The following SETBP1 variants were observed in gnomAD, a reference collection of about 807,000 sequenced individuals.
SETBP1 encodes the protein SET binding protein 1.
In SETBP1, 9 loss-of-function variants were observed where a neutral mutation model predicts 101.0. The observed-to-expected ratio is 0.09, with a 90% CI of 0.05 to 0.16. The LOEUF (loss-of-function observed/expected upper bound fraction) is 0.16. SETBP1 is among the 10% of genes least tolerant of loss of function. The pLI is 1.00. For missense variants in SETBP1, 1,858 were observed against 2,033.8 expected (o/e 0.91, Z 1.66); for synonymous variants, 818 against 788.5 (o/e 1.04, Z -0.63).
chr18:44,975,935 G>T (rs1188731524), intron 4 of SETBP1, among the ~76,000 whole-genome samples: 1 of 152,200 alleles, frequency 6.6e-6, no homozygotes, highest in South Asian at 2.1e-4. Context: ...GCCTGGACCA[G>T]AATACAGGTC....
intron 4 of SETBP1, among the ~76,000 whole-genome samples, chr18:44,958,985 G>T (rs930150805): frequency 2.0e-5 from 3 of 151,796 alleles, no homozygotes; most frequent in African/African-American, 7.3e-5. Context: ...TTGTAGCAAC[G>T]TAACAAAAAA....
intron 4 of SETBP1, among the ~76,000 whole-genome samples, chr18:45,031,201 A>G (rs1038823410): frequency 1.3e-5 from 2 of 152,032 alleles, no homozygotes; most frequent in Non-Finnish European, 2.9e-5. Flanking sequence ...CTTTCATTTG[A>G]ATGGGCTTTT....
chr18:44,764,465 GTTCTTCTTCTTTCTTC>G (rs1568131380), intron 2 of SETBP1, among the ~76,000 whole-genome samples: 2 of 150,540 alleles, frequency 1.3e-5, no homozygotes, highest in African/African-American at 4.9e-5. Flanking sequence ...TTCTTTCTTC[GTTCTTCTTCTTTCTTC>G]TTCTTCTTCT....
chr18:44,960,378 A>G (rs1334727813), intron 4 of SETBP1, among the ~76,000 whole-genome samples: 1 of 151,944 alleles, frequency 6.6e-6, no homozygotes, highest in East Asian at 1.9e-4. Context: ...ATTTTTAGAG[A>G]CAGAATATCT....
chr18:44,773,716 G>C (rs193087291), intron 2 of SETBP1, among the ~76,000 whole-genome samples: 176 of 152,058 alleles, frequency 1.2e-3, no homozygotes, highest in African/African-American at 4.0e-3. Context: ...GGGGCCTGCA[G>C]AATATCTCAG....
intron 2 of SETBP1, among the ~76,000 whole-genome samples, chr18:44,791,230 C>T (rs2071365162): frequency 6.6e-6 from 1 of 152,028 alleles, no homozygotes; most frequent in East Asian, 1.9e-4. Context: ...TGGGTAGAGG[C>T]CAGGGATGCC....
At chr18:44,876,996 G>T in intron 3 of SETBP1, 1 of 1,210,538 alleles carries the variant, frequency 8.3e-7, no homozygotes, top group Admixed American at 4.0e-5. Flanking sequence ...CTGTCTTCCA[G>T]GGCAGGCTTG....
intron 3 of SETBP1, among the ~76,000 whole-genome samples, chr18:44,874,678 G>A (rs188880191): frequency 2.0e-5 from 3 of 152,286 alleles, no homozygotes; most frequent in Non-Finnish European, 1.5e-5. Context: ...GAGGAAGAAC[G>A]ATTAAGTGTT....
At chr18:44,774,112 C>A (rs1490679639) in intron 2 of SETBP1, among the ~76,000 whole-genome samples, 1 of 152,116 alleles carries the variant, frequency 6.6e-6, no homozygotes, top group Non-Finnish European at 1.5e-5. Flanking sequence ...TACACCAATT[C>A]CTCCTAGAAA....
chr18:44,893,130 A>G (rs1232050915), intron 3 of SETBP1, among the ~76,000 whole-genome samples: 1 of 152,086 alleles, frequency 6.6e-6, no homozygotes, highest in African/African-American at 2.4e-5. Context: ...TTCCATAACA[A>G]CTGTGACTCA....
intron 2 of SETBP1, among the ~76,000 whole-genome samples, chr18:44,704,058 T>C (rs1013324956): frequency 9.9e-5 from 15 of 152,198 alleles, no homozygotes; most frequent in African/African-American, 2.7e-4. Context: ...CAAACCCAAA[T>C]TCGCTGCCCT....
At chr18:44,684,097 C>T (rs1568088280) in intron 1 of SETBP1, among the ~76,000 whole-genome samples, 1 of 152,202 alleles carries the variant, frequency 6.6e-6, no homozygotes, top group Non-Finnish European at 1.5e-5. Flanking sequence ...TCTTGCTGCA[C>T]ATCATTTTGT....
intron 5 of SETBP1, among the ~76,000 whole-genome samples, chr18:45,049,680 T>C (rs912727954): frequency 2.0e-5 from 3 of 152,186 alleles, no homozygotes; most frequent in Admixed American, 2.0e-4. Context: ...GTACCTTGAA[T>C]GTCTGGCTCC....
intron 2 of SETBP1, among the ~76,000 whole-genome samples, chr18:44,824,604 G>C (rs533810533): frequency 6.6e-6 from 1 of 152,252 alleles, no homozygotes; most frequent in African/African-American, 2.4e-5. Context: ...ACTGCCAGAG[G>C]TGTGTATCTT....
chr18:44,695,792 A>G (rs1229639538), intron 1 of SETBP1, among the ~76,000 whole-genome samples: 1 of 152,216 alleles, frequency 6.6e-6, no homozygotes, highest in African/African-American at 2.4e-5. Flanking sequence ...TTCTACTACC[A>G]AGAAATACAG....
chr18:44,871,092 C>T (rs2069264091), intron 3 of SETBP1: 1 of 152,122 alleles, frequency 6.6e-6, no homozygotes, highest in Admixed American at 6.6e-5. Context: ...CGTGTCATCA[C>T]CCTGAGGCAA....
chr18:44,739,826 T>C (rs1310325068), intron 2 of SETBP1, among the ~76,000 whole-genome samples: 2 of 152,308 alleles, frequency 1.3e-5, no homozygotes, highest in East Asian at 1.9e-4. Flanking sequence ...GTGATTATGG[T>C]TACTGTGTGA....
chr18:44,975,110 C>T (rs901651481), intron 4 of SETBP1, among the ~76,000 whole-genome samples: 4 of 152,182 alleles, frequency 2.6e-5, no homozygotes, highest in South Asian at 4.1e-4. Flanking sequence ...TAGAAATTTT[C>T]GGATCCAAGA....
At chr18:45,040,946 A>T (rs766604239) in intron 5 of SETBP1, among the ~76,000 whole-genome samples, 29 of 152,186 alleles carry the variant, frequency 1.9e-4, no homozygotes, top group Non-Finnish European at 4.0e-4. Flanking sequence ...CAGGTGCTGG[A>T]AGACAGACCT....
Sources: allele counts gnomAD v4.1 joint callset (sites outside exome capture counted in the v4.1 genomes callset), GRCh38; gene constraint gnomAD v4.1.1; transcripts MANE v1.5; gene names NCBI Gene and HGNC (gene_info 2026-07-23, HGNC 2026-07-21).